Variants in ERC1 observed in about 807,000 individuals in gnomAD.
ERC1 encodes the protein ELKS/RAB6-interacting/CAST family member 1.
In ERC1, 56 loss-of-function variants were observed where a neutral mutation model predicts 132.0. The ratio of observed to expected loss-of-function variants is 0.42; its 90% CI spans 0.34 to 0.53. The LOEUF (loss-of-function observed/expected upper bound fraction) is 0.53. ERC1 is among the 20% of genes least tolerant of loss of function. ERC1 has a pLI of 0.03. For missense variants in ERC1, 1,202 were observed against 1,349.9 expected (o/e 0.89, Z 1.72); for synonymous variants, 478 against 476.1 (o/e 1.00, Z -0.05).
intron 2 of ERC1, among the ~76,000 whole-genome samples, chr12:1,048,992 T>C (rs1971491857): frequency 1.3e-5 from 2 of 152,240 alleles, no homozygotes; most frequent in Non-Finnish European, 2.9e-5. Context: ...AAATAAGTTA[T>C]AAATTTCACC....
chr12:1,327,813 A>G (rs2082562263), intron 15 of ERC1, among the ~76,000 whole-genome samples: 1 of 150,678 alleles, frequency 6.6e-6, no homozygotes, highest in Admixed American at 6.6e-5. Context: ...TCCATAAACG[A>G]CCTCAACATA....
In ERC1 at chr12:1,371,808, T is replaced by C. The variant is rs200945026; in HGVS notation, c.2781-25T>C. 20 of 1,610,414 alleles carry C rather than the reference T, an allele frequency of 1.2e-5. No homozygotes were observed. The African/African-American group carries it at 1.6e-4, about 13-fold the overall frequency. The stretch of plus-strand genomic sequence containing the variant: ...AATTGTTGGAAGGGGTGAATGGCGC[T>C]GTTGGCATTTGCTTTCTTTTGCAGG... On this transcript the variant is annotated intron_variant, in intron 15 of 18. Transcript: ENST00000360905.
At chr12:1,403,914 A>G (rs922796503) in intron 16 of ERC1, among the ~76,000 whole-genome samples, 1 of 152,228 alleles carries the variant, frequency 6.6e-6, no homozygotes, top group African/African-American at 2.4e-5. Context: ...CATGATACAG[A>G]TGTTTCGCTC....
chr12:1,452,030 C>T (rs1299880968), intron 18 of ERC1, among the ~76,000 whole-genome samples: 1 of 152,110 alleles, frequency 6.6e-6, no homozygotes, highest in Non-Finnish European at 1.5e-5. Context: ...GAAATGAAAC[C>T]TGCTAATACT....
At chr12:1,099,487 T>G (rs777462060) in intron 3 of ERC1, among the ~76,000 whole-genome samples, 1 of 152,224 alleles carries the variant, frequency 6.6e-6, no homozygotes, top group Non-Finnish European at 1.5e-5. Context: ...TTAGGAAACT[T>G]TACAAGATCC....
intron 16 of ERC1, among the ~76,000 whole-genome samples, chr12:1,388,345 CAAAAAAA>C (rs34634557): frequency 3.4e-4 from 29 of 85,078 alleles, no homozygotes; most frequent in Middle Eastern, 0.013. Context: ...GACTCTGTCT[CAAAAAAA>C]AAAAAAAAAA....
chr12:1,063,552 G>T (rs140411914), intron 2 of ERC1, among the ~76,000 whole-genome samples: 1 of 152,020 alleles, frequency 6.6e-6, no homozygotes, highest in Non-Finnish European at 1.5e-5. Context: ...GTGAGCCACC[G>T]CACCTGGCTT....
chr12:1,239,907 A>T (rs1181071113), intron 13 of ERC1, among the ~76,000 whole-genome samples: 1 of 152,202 alleles, frequency 6.6e-6, no homozygotes, highest in Non-Finnish European at 1.5e-5. Flanking sequence ...TTGATTCAGT[A>T]AGTTTGGGGA....
chr12:1,215,589 C>T (rs1958323387), intron 12 of ERC1, among the ~76,000 whole-genome samples: 1 of 152,076 alleles, frequency 6.6e-6, no homozygotes, highest in Admixed American at 6.6e-5. Context: ...ATACTATCAT[C>T]TAGATACAGA....
chr12:1,450,985 CT>C (rs1432877418), intron 18 of ERC1, among the ~76,000 whole-genome samples: 1 of 152,170 alleles, frequency 6.6e-6, no homozygotes, highest in East Asian at 1.9e-4. Flanking sequence ...AGTTCTCAGC[CT>C]ATTTTTAAAT....
At chr12:1,453,615 G>T (rs1311234598) in intron 18 of ERC1, among the ~76,000 whole-genome samples, 1 of 152,094 alleles carries the variant, frequency 6.6e-6, no homozygotes, top group East Asian at 1.9e-4. Flanking sequence ...CCAGAAGAAA[G>T]TTTCCTCTGT....
chr12:1,015,075 CTT>C (rs35152033), intron 1 of ERC1, among the ~76,000 whole-genome samples: 7 of 137,278 alleles, frequency 5.1e-5, no homozygotes, highest in Non-Finnish European at 4.8e-5. Context: ...CTTTTTCTTT[CTT>C]TTTTTTTTTT....
intron 3 of ERC1, among the ~76,000 whole-genome samples, chr12:1,103,032 A>C (rs1486731812): frequency 1.3e-5 from 2 of 152,180 alleles, no homozygotes; most frequent in Non-Finnish European, 2.9e-5. Context: ...TTCTTTACCA[A>C]AGATTTTAAA....
At chr12:1,325,811 A>G (rs1300008120) in intron 15 of ERC1, among the ~76,000 whole-genome samples, 1 of 152,094 alleles carries the variant, frequency 6.6e-6, no homozygotes, top group Non-Finnish European at 1.5e-5. Context: ...CTCTTTTATA[A>G]TATAAGATAT....
chr12:1,344,470 T>TGTGAAACC (rs1354833063), intron 15 of ERC1, among the ~76,000 whole-genome samples: 1 of 152,234 alleles, frequency 6.6e-6, no homozygotes, highest in Non-Finnish European at 1.5e-5. Context: ...AGGCTTGTGC[T>TGTGAAACC]GTGAAACCCT....
At chr12:1,243,408 TATGTAGGGATGTAATGAA>T in intron 13 of ERC1, among the ~76,000 whole-genome samples, 2 of 151,722 alleles carry the variant, frequency 1.3e-5, no homozygotes, top group African/African-American at 2.4e-5. Context: ...ACTGAGGTGC[TATGTAGGGATGTAATGAA>T]ACGTGAGAGA....
intron 1 of ERC1, among the ~76,000 whole-genome samples, chr12:1,012,269 G>A (rs1964804743): frequency 6.6e-6 from 1 of 152,056 alleles, no homozygotes; most frequent in African/African-American, 2.4e-5. Context: ...AATACTTACT[G>A]GGTTCCTATA....
intron 17 of ERC1, among the ~76,000 whole-genome samples, chr12:1,420,626 T>A (rs189946885): frequency 6.6e-6 from 1 of 152,042 alleles, no homozygotes; most frequent in Admixed American, 6.5e-5. Flanking sequence ...TGGCTGATGT[T>A]TTGTATTTTT....
At chr12:1,474,634 C>G (rs2093934321) in intron 18 of ERC1, among the ~76,000 whole-genome samples, 1 of 152,152 alleles carries the variant, frequency 6.6e-6, no homozygotes, top group Non-Finnish European at 1.5e-5. Context: ...ATCAAGCAGC[C>G]CGCCCCTCAG....
Sources: allele counts gnomAD v4.1 joint callset (sites outside exome capture counted in the v4.1 genomes callset), GRCh38; gene constraint gnomAD v4.1.1; transcripts MANE v1.5; gene names NCBI Gene and HGNC (gene_info 2026-07-23, HGNC 2026-07-21).